Variants in SGCD observed in about 807,000 individuals in gnomAD.
SGCD encodes delta-sarcoglycan.
A neutral mutation model predicts 36.6 loss-of-function variants in SGCD; 18 were observed. The observed-to-expected ratio is 0.49, with a 90% CI of 0.34 to 0.73. SGCD has a LOEUF of 0.73. SGCD is among the 30% of genes least tolerant of loss of function. The pLI, the probability that SGCD is intolerant of heterozygous loss-of-function variation, is 0.01. For synonymous variants in SGCD, 133 were observed against 130.6 expected (o/e 1.02, Z -0.12); for missense variants, 387 against 346.7 (o/e 1.12, Z -0.92).
At chr5:156,036,525 C>T (rs183126011) in intron 1 of SGCD, among the ~76,000 whole-genome samples, 2 of 152,186 alleles carry the variant, frequency 1.3e-5, no homozygotes, top group African/African-American at 2.4e-5. Context: ...TGATGAGGGC[C>T]GAGGTTTCTG....
intron 3 of SGCD, among the ~76,000 whole-genome samples, chr5:156,247,384 C>T (rs528652360): frequency 6.6e-6 from 1 of 152,250 alleles, no homozygotes; most frequent in Non-Finnish European, 1.5e-5. Flanking sequence ...AAATAGATTA[C>T]AGTCCATGTT....
At chr5:156,204,587 C>T (rs1764228648) in intron 3 of SGCD, among the ~76,000 whole-genome samples, 3 of 152,002 alleles carry the variant, frequency 2.0e-5, no homozygotes, top group South Asian at 2.1e-4. Context: ...TACGTGTCAG[C>T]GTATGGGATC....
intron 1 of SGCD, among the ~76,000 whole-genome samples, chr5:155,932,896 C>A (rs1159109373): frequency 2.0e-5 from 3 of 151,954 alleles, no homozygotes; most frequent in African/African-American, 7.3e-5. Context: ...TTTAGTATTC[C>A]ATTTTTGCCT....
rs937651655 is a variant in SGCD at position 156,387,563 on chromosome 5, G to A, written c.192+42886G>A. Among the ~76,000 whole-genome samples, 7 of 152,180 alleles carry A rather than the reference G, an allele frequency of 4.6e-5. No individual in the cohort carries two copies. In the East Asian group the frequency reaches 1.3e-3, roughly 29 times the overall value. On this transcript the variant is annotated intron_variant, in intron 3 of 8. Transcript: ENST00000337851. ...TGAGTCAAGGGACTAACAGGGCCCAGCTGAAGGCAAAATATTCTTTGCTAA... is the reference window on the plus strand; with the variant it reads ...TGAGTCAAGGGACTAACAGGGCCCAACTGAAGGCAAAATATTCTTTGCTAA...
chr5:156,218,014 C>T (rs1340074215), intron 3 of SGCD, among the ~76,000 whole-genome samples: 1 of 152,036 alleles, frequency 6.6e-6, no homozygotes, highest in East Asian at 1.9e-4. Flanking sequence ...GTAGCCATAC[C>T]TGTAATACCA....
chr5:155,793,091 A>C, the SGCD span, among the ~76,000 whole-genome samples: 1 of 152,170 alleles, frequency 6.6e-6, no homozygotes, highest in Non-Finnish European at 1.5e-5. Context: ...AAATGAAATC[A>C]TATCCTTGGA....
intron 1 of SGCD, among the ~76,000 whole-genome samples, chr5:156,106,799 T>G (rs560729404): frequency 5.3e-4 from 80 of 152,328 alleles, no homozygotes; most frequent in African/African-American, 1.9e-3. Context: ...GTTAATCCCC[T>G]TTCAGTGATG....
chr5:156,596,809 T>A (rs968570249), intron 6 of SGCD, among the ~76,000 whole-genome samples: 3 of 152,176 alleles, frequency 2.0e-5, no homozygotes, highest in Non-Finnish European at 4.4e-5. Flanking sequence ...GGATCTTGAA[T>A]GCCTATCATG....
At chr5:155,805,986 A>G in the SGCD span, among the ~76,000 whole-genome samples, 2 of 152,210 alleles carry the variant, frequency 1.3e-5, no homozygotes, top group East Asian at 3.8e-4. Context: ...GTAGCAGCTA[A>G]GATGGGGAGG....
the SGCD span, among the ~76,000 whole-genome samples, chr5:155,825,633 G>A: frequency 6.6e-6 from 1 of 152,156 alleles, no homozygotes; most frequent in Admixed American, 6.5e-5. Flanking sequence ...TTTTCATACT[G>A]TGGGGATTAT....
intron 7 of SGCD, among the ~76,000 whole-genome samples, chr5:156,679,067 G>A (rs552604756): frequency 6.6e-6 from 1 of 152,308 alleles, no homozygotes; most frequent in East Asian, 1.9e-4. Flanking sequence ...GATTTCTGCT[G>A]ATGTCCCTAG....
At chr5:156,491,576 C>T (rs908607945) in intron 3 of SGCD, among the ~76,000 whole-genome samples, 7 of 152,040 alleles carry the variant, frequency 4.6e-5, no homozygotes, top group Non-Finnish European at 5.9e-5. Context: ...TATGTGCACT[C>T]CATAAATAAG....
At chr5:156,493,593 A>G (rs761876893) in intron 3 of SGCD, among the ~76,000 whole-genome samples, 15 of 152,108 alleles carry the variant, frequency 9.9e-5, no homozygotes, top group Non-Finnish European at 1.8e-4. Flanking sequence ...TTTTTAAAGG[A>G]TGGATTGGCT....
At chr5:156,121,037 C>T (rs1335991408) in intron 2 of SGCD, among the ~76,000 whole-genome samples, 2 of 152,094 alleles carry the variant, frequency 1.3e-5, no homozygotes, top group African/African-American at 4.8e-5. Flanking sequence ...CCGCCATCTG[C>T]CCAGGAATGT....
the SGCD span, among the ~76,000 whole-genome samples, chr5:155,782,757 C>G: frequency 2.0e-5 from 3 of 152,078 alleles, no homozygotes; most frequent in African/African-American, 7.2e-5. Flanking sequence ...GAGCATGAAC[C>G]CTATTGTGAA....
At chr5:156,657,112 T>G (rs1373570475) in intron 7 of SGCD, among the ~76,000 whole-genome samples, 2 of 152,236 alleles carry the variant, frequency 1.3e-5, no homozygotes, top group Admixed American at 6.5e-5. Flanking sequence ...AAATTTAAAC[T>G]ATCAAAACAG....
At chr5:156,715,544 G>T (rs1755181833) in intron 7 of SGCD, among the ~76,000 whole-genome samples, 1 of 152,144 alleles carries the variant, frequency 6.6e-6, no homozygotes, top group Non-Finnish European at 1.5e-5. Context: ...CATTCATTGT[G>T]CATTTACTTG....
At chr5:156,358,476 A>G (rs1311927985) in intron 3 of SGCD, among the ~76,000 whole-genome samples, 1 of 152,230 alleles carries the variant, frequency 6.6e-6, no homozygotes, top group Non-Finnish European at 1.5e-5. Context: ...TAATTATGAT[A>G]TATTGACAGC....
chr5:156,070,376 C>G (rs1304915989), intron 1 of SGCD, among the ~76,000 whole-genome samples: 4 of 150,210 alleles, frequency 2.7e-5, no homozygotes, highest in African/African-American at 1.0e-4. Context: ...TTTTCTGCAT[C>G]TATTGAGATC....
Sources: gnomAD v4.1 joint callset for allele counts (sites outside exome capture counted in the v4.1 genomes callset) on GRCh38, gnomAD v4.1.1 for gene constraint, MANE v1.5 for transcripts, NCBI Gene and HGNC (gene_info 2026-07-23, HGNC 2026-07-21) for gene names.